Variants in CPEB3 observed in about 807,000 individuals in gnomAD.
CPEB3 encodes the protein cytoplasmic polyadenylation element-binding protein 3.
CPEB3 carries 20 observed loss-of-function variants against 67.2 expected under a neutral mutation model. That is an observed-to-expected ratio of 0.30 (90% CI 0.21 to 0.43). The LOEUF is 0.43. Ranked by LOEUF, CPEB3 falls within the 20% of genes least tolerant of loss-of-function variation. CPEB3 has a pLI of 1.00. For missense variants in CPEB3, 746 were observed against 968.6 expected (o/e 0.77, Z 3.05); for synonymous variants, 376 against 393.1 (o/e 0.96, Z 0.51).
At chr10:92,094,461 G>A (rs1374591696) in intron 7 of CPEB3, among the ~76,000 whole-genome samples, 1 of 151,952 alleles carries the variant, frequency 6.6e-6, no homozygotes, top group Non-Finnish European at 1.5e-5. Flanking sequence ...AATTAGCCGG[G>A]CGTGGTAGCG....
chr10:92,059,376 C>T (rs1842251755), intron 9 of CPEB3, among the ~76,000 whole-genome samples: 1 of 144,910 alleles, frequency 6.9e-6, no homozygotes, highest in Non-Finnish European at 1.5e-5. Flanking sequence ...CAACATGCTC[C>T]TGAATGACCA....
intron 6 of CPEB3, among the ~76,000 whole-genome samples, chr10:92,118,003 G>A (rs1845129069): frequency 6.6e-6 from 1 of 152,142 alleles, no homozygotes; most frequent in Admixed American, 6.5e-5. Flanking sequence ...AATTAAACCA[G>A]ATCAGTTTCC....
intron 1 of CPEB3, among the ~76,000 whole-genome samples, chr10:92,288,768 A>G (rs1352174931): frequency 6.6e-6 from 1 of 152,218 alleles, no homozygotes; most frequent in Non-Finnish European, 1.5e-5. Context: ...ACATTCTAAC[A>G]TTGGTTAAGA....
rs555166329 is a variant in CPEB3 at position 92,167,857 on chromosome 10, G to C, written c.1222+13106C>G. Among the ~76,000 whole-genome samples, 115 of 152,174 alleles carry C rather than the reference G, an allele frequency of 7.6e-4. 2 individuals carry two copies. The highest frequency in any genetic ancestry group is 1.2e-3 in the Admixed American group (19 of 15,286). ...CGGGAGGCAGAGGTTGCAGTAAGCTGAGACTGCACCACTGCACTCCAGCCT... is the reference window on the plus strand; with the variant it reads ...CGGGAGGCAGAGGTTGCAGTAAGCTCAGACTGCACCACTGCACTCCAGCCT... On this transcript the variant is annotated intron_variant, in intron 4 of 9. Coordinates refer to ENST00000265997, the MANE Select transcript of CPEB3 (RefSeq NM_014912.5).
chr10:92,131,341 T>C (rs554671087), intron 6 of CPEB3, among the ~76,000 whole-genome samples: 2 of 152,304 alleles, frequency 1.3e-5, no homozygotes, highest in South Asian at 2.1e-4. Context: ...ATGGAGGCTG[T>C]AGAGGTGCTA....
chr10:92,100,254 G>A (rs1282263023), intron 7 of CPEB3, among the ~76,000 whole-genome samples: 1 of 151,240 alleles, frequency 6.6e-6, no homozygotes, highest in East Asian at 1.9e-4. Context: ...CAGCAGCAAG[G>A]AGAAAACATA....
chr10:92,063,338 C>T (rs833379), intron 9 of CPEB3, among the ~76,000 whole-genome samples: 150,353 of 152,338 alleles, frequency 0.99, 74,231 homozygotes, highest in Middle Eastern at 1. Context: ...ACCTCAAAAG[C>T]TGTAGTAATA....
chr10:92,087,126 T>G (rs1317726587), intron 8 of CPEB3, among the ~76,000 whole-genome samples: 1 of 152,222 alleles, frequency 6.6e-6, no homozygotes, highest in Non-Finnish European at 1.5e-5. Flanking sequence ...TTCTAATACA[T>G]GTGAACTATC....
chr10:92,111,467 C>T (rs753487614), intron 6 of CPEB3, among the ~76,000 whole-genome samples: 1 of 152,218 alleles, frequency 6.6e-6, no homozygotes, highest in Non-Finnish European at 1.5e-5. Context: ...GGCAAGTGGA[C>T]TCACCATTGG....
chr10:92,217,234 A>T (rs55744400), intron 2 of CPEB3, among the ~76,000 whole-genome samples: 28 of 117,358 alleles, frequency 2.4e-4, no homozygotes, highest in African/African-American at 8.2e-4. Context: ...AAAAAAAAAA[A>T]TTATATATAT....
At chr10:92,183,055 GA>G (rs984210576) in intron 3 of CPEB3, among the ~76,000 whole-genome samples, 1 of 151,734 alleles carries the variant, frequency 6.6e-6, no homozygotes, top group African/African-American at 2.4e-5. Flanking sequence ...ACCTTATTAG[GA>G]AAAAAATGTT....
At chr10:92,101,436 A>G (rs1158114662) in intron 7 of CPEB3, among the ~76,000 whole-genome samples, 1 of 152,086 alleles carries the variant, frequency 6.6e-6, no homozygotes, top group Non-Finnish European at 1.5e-5. Context: ...AAGAAGCAGC[A>G]CCCCAGCTCA....
intron 2 of CPEB3, among the ~76,000 whole-genome samples, chr10:92,211,846 A>G (rs1850104403): frequency 6.6e-6 from 1 of 150,620 alleles, no homozygotes; most frequent in South Asian, 2.1e-4. Context: ...CCCAGCTCAA[A>G]CATATATGTT....
At chr10:92,112,126 C>CTTTTTTTTTTTTTTTTTTT (rs201432910) in intron 6 of CPEB3, among the ~76,000 whole-genome samples, 1 of 122,032 alleles carries the variant, frequency 8.2e-6, no homozygotes, top group Non-Finnish European at 1.7e-5. Flanking sequence ...GACCACGTTC[C>CTTTTTTTTTTTTTTTTTTT]TTTTTTTTTT....
intron 9 of CPEB3, among the ~76,000 whole-genome samples, chr10:92,077,781 G>A (rs1037149764): frequency 2.0e-5 from 3 of 150,124 alleles, no homozygotes; most frequent in African/African-American, 7.4e-5. Flanking sequence ...GGGAGGAGAA[G>A]GGAGGGGAGA....
chr10:92,217,100 C>T (rs1015103769), intron 2 of CPEB3, among the ~76,000 whole-genome samples: 4 of 141,256 alleles, frequency 2.8e-5, no homozygotes, highest in Non-Finnish European at 4.5e-5. Context: ...CCGAGCTATT[C>T]GGGAGGCTGA....
intron 9 of CPEB3, among the ~76,000 whole-genome samples, chr10:92,070,139 C>G (rs930483619): frequency 1.3e-5 from 2 of 152,204 alleles, no homozygotes; most frequent in African/African-American, 2.4e-5. Context: ...TTTTTCTCAA[C>G]TGGGTTCTCT....
chr10:92,087,909 T>C (rs1438657513), intron 8 of CPEB3, among the ~76,000 whole-genome samples: 1 of 152,132 alleles, frequency 6.6e-6, no homozygotes, highest in East Asian at 1.9e-4. Flanking sequence ...CTCTAAAGAA[T>C]ATGCGAGCTT....
At chr10:92,243,661 G>T (rs1851942598) in intron 1 of CPEB3, among the ~76,000 whole-genome samples, 1 of 152,028 alleles carries the variant, frequency 6.6e-6, no homozygotes, top group African/African-American at 2.4e-5. Flanking sequence ...AAGGGAGGGG[G>T]AACTACTGGA....
Sources: gnomAD v4.1 joint callset for allele counts (sites outside exome capture counted in the v4.1 genomes callset) on GRCh38, gnomAD v4.1.1 for gene constraint, MANE v1.5 for transcripts, NCBI Gene and HGNC (gene_info 2026-07-23, HGNC 2026-07-21) for gene names.